The following TMEM117 variants were observed in gnomAD, a reference collection of about 807,000 sequenced individuals.
TMEM117 encodes the protein transmembrane protein 117.
A neutral mutation model predicts 52.4 loss-of-function variants in TMEM117; 27 were observed. That is an observed-to-expected ratio of 0.51 (90% CI 0.38 to 0.71). The LOEUF (loss-of-function observed/expected upper bound fraction) is 0.71, where lower values mean the gene tolerates loss of function less well. Among genes scored for constraint, TMEM117 ranks in the 30% least tolerant of loss-of-function variants. The pLI, the probability that TMEM117 is intolerant of heterozygous loss-of-function variation, is 0.00. For missense variants in TMEM117, 556 were observed against 630.5 expected (o/e 0.88, Z 1.26); for synonymous variants, 215 against 206.3 (o/e 1.04, Z -0.36).
intron 2 of TMEM117, among the ~76,000 whole-genome samples, chr12:43,942,387 G>A (rs890012320): frequency 2.6e-5 from 4 of 152,170 alleles, no homozygotes; most frequent in African/African-American, 9.7e-5. Flanking sequence ...TTGTCAGTAT[G>A]TTGTGTGGAG....
chr12:44,190,464 T>C (rs781445831), intron 4 of TMEM117, among the ~76,000 whole-genome samples: 2 of 152,078 alleles, frequency 1.3e-5, no homozygotes, highest in Non-Finnish European at 2.9e-5. Flanking sequence ...GCCAGGAGCA[T>C]TGCTCAGGTG....
intron 4 of TMEM117, among the ~76,000 whole-genome samples, chr12:44,195,550 C>A (rs1056989897): frequency 7.9e-5 from 12 of 152,042 alleles, no homozygotes; most frequent in African/African-American, 2.9e-4. Context: ...TTCTCAGAGT[C>A]ATGTTTAAAA....
chr12:44,322,416 G>A (rs930387672), intron 6 of TMEM117, among the ~76,000 whole-genome samples: 1 of 152,082 alleles, frequency 6.6e-6, no homozygotes, highest in Admixed American at 6.6e-5. Context: ...TCTCAGAGTT[G>A]CAGAAAGCTT....
At chr12:44,398,668 C>G in the TMEM117 span, among the ~76,000 whole-genome samples, 1 of 152,194 alleles carries the variant, frequency 6.6e-6, no homozygotes, top group South Asian at 2.1e-4. Context: ...GGGCAGGCTA[C>G]TGGGACACCG....
chr12:44,150,210 G>A (rs1277936297), intron 4 of TMEM117, among the ~76,000 whole-genome samples: 3 of 152,232 alleles, frequency 2.0e-5, no homozygotes, highest in South Asian at 4.1e-4. Flanking sequence ...TAAAGATTTC[G>A]TGTTATGTGA....
At chr12:44,224,591 G>T (rs1016173903) in intron 5 of TMEM117, among the ~76,000 whole-genome samples, 2 of 151,120 alleles carry the variant, frequency 1.3e-5, no homozygotes, top group Non-Finnish European at 1.5e-5. Context: ...ATTACCTTTG[G>T]CAAAATGCCA....
chr12:43,984,069 G>A (rs1945805681), intron 3 of TMEM117, among the ~76,000 whole-genome samples: 3 of 152,014 alleles, frequency 2.0e-5, no homozygotes, highest in Admixed American at 6.6e-5. Context: ...AACCAGAGGG[G>A]ATTAAAAGTA....
intron 3 of TMEM117, among the ~76,000 whole-genome samples, chr12:44,047,919 A>T (rs1233490127): frequency 6.6e-6 from 1 of 152,140 alleles, no homozygotes; most frequent in African/African-American, 2.4e-5. Context: ...TTCCCTCTTT[A>T]TCTGTTCACT....
intron 6 of TMEM117, among the ~76,000 whole-genome samples, chr12:44,341,303 A>C (rs555293436): frequency 6.6e-6 from 1 of 152,064 alleles, no homozygotes; most frequent in African/African-American, 2.4e-5. Context: ...TGCCCAGCCC[A>C]AGTGTGCAGT....
intron 3 of TMEM117, among the ~76,000 whole-genome samples, chr12:43,945,353 T>C (rs1945114349): frequency 2.0e-5 from 3 of 152,302 alleles, no homozygotes; most frequent in Admixed American, 6.5e-5. Flanking sequence ...CTCGCTGTTG[T>C]CAGCCAGGGC....
chr12:43,890,344 A>T (rs988358842), intron 2 of TMEM117, among the ~76,000 whole-genome samples: 3 of 152,032 alleles, frequency 2.0e-5, no homozygotes, highest in African/African-American at 7.2e-5. Context: ...CGTTAGTGAA[A>T]ATCTGTCAAT....
intron 5 of TMEM117, among the ~76,000 whole-genome samples, chr12:44,247,706 G>A (rs1950147383): frequency 1.3e-5 from 2 of 152,104 alleles, no homozygotes; most frequent in South Asian, 2.1e-4. Context: ...CCTCTTAATC[G>A]GCCCTTTATC....
rs180706610 is a variant in TMEM117, at chr12:44,081,116, G to A, written c.411-62409G>A. On this transcript the variant is annotated intron_variant, in intron 3 of 7. Transcript: ENST00000266534. ...TATTATTTTCCATTGGCATTTGCAT[G>A]ACATGAAATAGGTCCCCAGTAAGTA... 3.9e-3 allele frequency among the ~76,000 whole-genome samples: 598 copies of A among 152,240 alleles called. 4 individuals are homozygous for A. The highest frequency in any genetic ancestry group is 6.8e-3 in the Middle Eastern group (2 of 294).
chr12:43,834,235 C>A (rs578054824), upstream of TMEM117, among the ~76,000 whole-genome samples: 625 of 152,210 alleles, frequency 4.1e-3, 6 homozygotes, highest in African/African-American at 0.014. Context: ...GCATATGGAA[C>A]CTTTGTTAAA....
At chr12:44,151,628 A>G (rs1226072553) in intron 4 of TMEM117, among the ~76,000 whole-genome samples, 5 of 149,286 alleles carry the variant, frequency 3.3e-5, no homozygotes, top group Admixed American at 6.9e-5. Context: ...AGGCATTGAT[A>G]CTTGATTTTT....
chr12:44,397,685 A>G, the TMEM117 span, among the ~76,000 whole-genome samples: 1 of 152,196 alleles, frequency 6.6e-6, no homozygotes. Context: ...GCTTTGAGTC[A>G]ATGTTTAGAA....
downstream of TMEM117, among the ~76,000 whole-genome samples, chr12:44,394,420 C>T (rs1952172782): frequency 6.6e-6 from 1 of 152,228 alleles, no homozygotes; most frequent in Non-Finnish European, 1.5e-5. Flanking sequence ...TGCCATTAAA[C>T]ATGGTTAGGC....
intron 6 of TMEM117, 91 bp from the exon 7 acceptor site, chr12:44,376,504 A>G: frequency 6.8e-7 from 1 of 1,472,942 alleles, no homozygotes; most frequent in South Asian, 1.2e-5. Flanking sequence ...AATGATTTTA[A>G]AATAAGTGCT....
At chr12:44,152,197 A>C (rs538174913) in intron 4 of TMEM117, among the ~76,000 whole-genome samples, 1 of 109,286 alleles carries the variant, frequency 9.2e-6, no homozygotes, top group Admixed American at 1.2e-4. Context: ...ATATATATAA[A>C]TATAATTATA....
Sources: allele counts gnomAD v4.1 joint callset (sites outside exome capture counted in the v4.1 genomes callset), GRCh38; gene constraint gnomAD v4.1.1; transcripts MANE v1.5; gene names NCBI Gene and HGNC (gene_info 2026-07-23, HGNC 2026-07-21).